The following ATG10 variants were observed in gnomAD, a reference collection of about 807,000 sequenced individuals.
ATG10 encodes ubiquitin-like-conjugating enzyme ATG10.
Under a neutral mutation model 32.1 loss-of-function variants are expected in ATG10, and 30 were observed. That is an observed-to-expected ratio of 0.94 (90% CI 0.70 to 1.27). The LOEUF is 1.27. Ranked by LOEUF, ATG10 falls within the 50% of genes most tolerant of loss-of-function variation. The pLI, the probability that ATG10 is intolerant of heterozygous loss-of-function variation, is 0.00. For synonymous variants in ATG10, 87 were observed against 91.5 expected (o/e 0.95, Z 0.28); for missense variants, 233 against 262.3 (o/e 0.89, Z 0.77).
chr5:82,188,557 C>T (rs1383010760), intron 5 of ATG10, among the ~76,000 whole-genome samples: 2 of 152,040 alleles, frequency 1.3e-5, no homozygotes, highest in Non-Finnish European at 2.9e-5. Flanking sequence ...ATCTTAGTCC[C>T]CAAACTTCAA....
intron 2 of ATG10, among the ~76,000 whole-genome samples, chr5:82,023,202 T>C (rs1402779121): frequency 6.6e-6 from 1 of 152,062 alleles, no homozygotes; most frequent in Non-Finnish European, 1.5e-5. Flanking sequence ...AAGAATACTT[T>C]TATTTAATAC....
chr5:82,212,236 C>CACA (rs1425883540), intron 5 of ATG10, among the ~76,000 whole-genome samples: 1 of 152,180 alleles, frequency 6.6e-6, no homozygotes, highest in Non-Finnish European at 1.5e-5. Context: ...CTTCTGTACC[C>CACA]ACACTCTCTG....
chr5:81,997,580 T>C (rs1222461319), intron 2 of ATG10, among the ~76,000 whole-genome samples: 1 of 152,178 alleles, frequency 6.6e-6, no homozygotes, highest in African/African-American at 2.4e-5. Context: ...CGGATAGGAA[T>C]GACGATCATT....
intron 5 of ATG10, among the ~76,000 whole-genome samples, chr5:82,227,960 CTT>C (rs1746199957): frequency 6.6e-6 from 1 of 152,156 alleles, no homozygotes; most frequent in Non-Finnish European, 1.5e-5. Flanking sequence ...AATCCCAGCA[CTT>C]TGAGATACCA....
At chr5:82,010,654 G>C (rs1195017964) in intron 2 of ATG10, among the ~76,000 whole-genome samples, 1 of 152,110 alleles carries the variant, frequency 6.6e-6, no homozygotes, top group Non-Finnish European at 1.5e-5. Context: ...GATTTTACTA[G>C]GTATATTTTG....
intron 4 of ATG10, 88 bp from the exon 5 acceptor site, chr5:82,178,402 T>C: frequency 1.3e-6 from 1 of 783,688 alleles, no homozygotes; most frequent in African/African-American, 1.7e-5. Flanking sequence ...CTAAAAGTCA[T>C]GATATTCTTC....
At position 82,173,318 on chromosome 5, in the gene ATG10, G is replaced by A. The variant is rs527576787; in HGVS notation, c.356-5172G>A. Among the ~76,000 whole-genome samples the A allele has an allele frequency of 3.9e-5, 6 of 152,300 alleles. No homozygotes were observed. The South Asian group carries it at 1.2e-3, about 32-fold the overall frequency. Reference sequence around the variant, plus strand: ...TAATTTAGAAAGCTGCACATTTTGAGTAATATATAGATTACTTGACATGTG... The same window carrying A: ...TAATTTAGAAAGCTGCACATTTTGAATAATATATAGATTACTTGACATGTG... On this transcript the variant is annotated intron_variant, in intron 4 of 7. Transcript: ENST00000282185.
At chr5:81,999,283 C>T (rs1243494056) in intron 2 of ATG10, among the ~76,000 whole-genome samples, 1 of 152,020 alleles carries the variant, frequency 6.6e-6, no homozygotes, top group Admixed American at 6.6e-5. Flanking sequence ...TCCTGAATGA[C>T]TGGGTAAATA....
chr5:81,974,269 G>A (rs1050731475), intron 1 of ATG10, among the ~76,000 whole-genome samples: 1 of 152,182 alleles, frequency 6.6e-6, no homozygotes, highest in African/African-American at 2.4e-5. Context: ...ATGTTTTCAG[G>A]GGACAAGCAG....
intron 3 of ATG10, chr5:82,073,019 C>T (rs1405481100): frequency 2.6e-5 from 4 of 152,152 alleles, no homozygotes; most frequent in Non-Finnish European, 4.4e-5. Flanking sequence ...GAAGGGATCT[C>T]CTGTCTTATA....
intron 1 of ATG10, among the ~76,000 whole-genome samples, chr5:81,986,548 CAAACTCTT>C (rs1221205905): frequency 6.6e-6 from 1 of 151,976 alleles, no homozygotes; most frequent in Non-Finnish European, 1.5e-5. Flanking sequence ...GATGAATGAA[CAAACTCTT>C]ACATAGATTA....
intron 3 of ATG10, among the ~76,000 whole-genome samples, chr5:82,136,954 T>G (rs1421915877): frequency 6.6e-6 from 1 of 152,124 alleles, no homozygotes; most frequent in African/African-American, 2.4e-5. Flanking sequence ...TTCATTTCAT[T>G]AAGTTGATCT....
intron 5 of ATG10, among the ~76,000 whole-genome samples, chr5:82,233,087 G>T (rs1343590496): frequency 6.6e-6 from 1 of 152,160 alleles, no homozygotes. Context: ...AATTAGGGCT[G>T]ATGTCTTTAC....
At chr5:82,116,539 G>A (rs1765815843) in intron 3 of ATG10, among the ~76,000 whole-genome samples, 1 of 152,008 alleles carries the variant, frequency 6.6e-6, no homozygotes, top group Non-Finnish European at 1.5e-5. Flanking sequence ...AAATGTCTAT[G>A]TTGTATATTT....
intron 3 of ATG10, 112 bp from the exon 4 acceptor site, chr5:82,164,287 T>A: frequency 9.1e-7 from 1 of 1,093,584 alleles, no homozygotes; most frequent in Non-Finnish European, 1.3e-6. Flanking sequence ...CCTCATAGCC[T>A]TATATTTATT....
intron 2 of ATG10, among the ~76,000 whole-genome samples, chr5:82,042,117 A>T (rs970733261): frequency 6.6e-6 from 1 of 152,142 alleles, no homozygotes; most frequent in Non-Finnish European, 1.5e-5. Context: ...GTAATTTATA[A>T]AGAAAAGAGG....
chr5:82,184,918 C>G (rs1333145426), intron 5 of ATG10, among the ~76,000 whole-genome samples: 1 of 152,178 alleles, frequency 6.6e-6, no homozygotes, highest in African/African-American at 2.4e-5. Context: ...TGCAGTCCTT[C>G]TATGCTCAGA....
intron 3 of ATG10, among the ~76,000 whole-genome samples, chr5:82,111,671 A>G (rs1208122925): frequency 3.3e-5 from 5 of 152,004 alleles, no homozygotes; most frequent in African/African-American, 7.2e-5. Context: ...AGACTGAATA[A>G]TTACATTTTT....
intron 3 of ATG10, among the ~76,000 whole-genome samples, chr5:82,156,263 A>G (rs1396793830): frequency 6.6e-6 from 1 of 152,188 alleles, no homozygotes; most frequent in Non-Finnish European, 1.5e-5. Flanking sequence ...ATAATTCCAT[A>G]GACTACAAAA....
Sources: allele counts gnomAD v4.1 joint callset (sites outside exome capture counted in the v4.1 genomes callset), GRCh38; gene constraint gnomAD v4.1.1; transcripts MANE v1.5; gene names NCBI Gene and HGNC (gene_info 2026-07-23, HGNC 2026-07-21).